The following UTRN variants were observed in gnomAD, a reference collection of about 807,000 sequenced individuals.
The protein encoded by UTRN is dystrophin-related protein 1.
UTRN carries 283 observed loss-of-function variants against 463.9 expected under a neutral mutation model. The observed-to-expected ratio is 0.61, with a 90% CI of 0.55 to 0.67. The LOEUF (loss-of-function observed/expected upper bound fraction) is 0.67, where lower values mean the gene tolerates loss of function less well. UTRN is among the 30% of genes least tolerant of loss of function. The pLI is 0.00. For missense variants in UTRN, 3,922 were observed against 4,084.3 expected (o/e 0.96, Z 1.08); for synonymous variants, 1,442 against 1,431.5 (o/e 1.01, Z -0.17).
At chr6:144,837,295 A>G (rs753694235) in intron 71 of UTRN, 5 of 152,250 alleles carry the variant, frequency 3.3e-5, no homozygotes, top group East Asian at 1.9e-4. Context: ...AGAAGCATCA[A>G]TACAGTTTCT....
intron 74 of UTRN, among the ~76,000 whole-genome samples, chr6:144,847,489 G>A (rs930962308): frequency 6.6e-6 from 1 of 152,096 alleles, no homozygotes; most frequent in African/African-American, 2.4e-5. Context: ...AGGAGGGGGT[G>A]GAGGAACAGT....
intron 2 of UTRN, among the ~76,000 whole-genome samples, chr6:144,337,958 ACT>A (rs772803474): frequency 6.6e-6 from 1 of 152,172 alleles, no homozygotes; most frequent in African/African-American, 2.4e-5. Flanking sequence ...CTTCGATTTA[ACT>A]CTCTCTGACT....
chr6:144,313,968 A>T (rs1425219722), intron 2 of UTRN, among the ~76,000 whole-genome samples: 2 of 152,168 alleles, frequency 1.3e-5, no homozygotes, highest in African/African-American at 4.8e-5. Context: ...TATACATGTT[A>T]TGTCTTTAAT....
chr6:144,342,196 G>A (rs1156578745), intron 2 of UTRN, among the ~76,000 whole-genome samples: 1 of 152,178 alleles, frequency 6.6e-6, no homozygotes, highest in South Asian at 2.1e-4. Flanking sequence ...ACAAATATTG[G>A]TGAGGATGTG....
At chr6:144,751,239 A>T (rs1791359335) in intron 55 of UTRN, among the ~76,000 whole-genome samples, 1 of 152,236 alleles carries the variant, frequency 6.6e-6, no homozygotes, top group African/African-American at 2.4e-5. Flanking sequence ...TCAACATTAG[A>T]TATCAGTAAA....
At chr6:144,420,881 T>G (rs1784776182) in intron 3 of UTRN, among the ~76,000 whole-genome samples, 1 of 152,256 alleles carries the variant, frequency 6.6e-6, no homozygotes, top group Non-Finnish European at 1.5e-5. Context: ...TCATTTACAT[T>G]TTTAATGCGT....
intron 51 of UTRN, among the ~76,000 whole-genome samples, chr6:144,639,820 G>T (rs1485504472): frequency 6.6e-6 from 1 of 152,040 alleles, no homozygotes. Context: ...ATGGAAGAGG[G>T]GCATTAACAA....
intron 51 of UTRN, among the ~76,000 whole-genome samples, chr6:144,651,034 G>C (rs554176002): frequency 6.6e-5 from 10 of 151,730 alleles, no homozygotes; most frequent in African/African-American, 1.9e-4. Context: ...TTTTCTTTGT[G>C]GTAAAAAATG....
intron 51 of UTRN, among the ~76,000 whole-genome samples, chr6:144,603,802 T>C (rs907558962): frequency 1.3e-5 from 2 of 152,192 alleles, no homozygotes; most frequent in African/African-American, 2.4e-5. Flanking sequence ...GTTACAAGAA[T>C]GGGCCCAGCA....
intron 9 of UTRN, among the ~76,000 whole-genome samples, chr6:144,433,296 C>T (rs1297375393): frequency 5.5e-5 from 8 of 146,620 alleles, no homozygotes; most frequent in Non-Finnish European, 1.2e-4. Flanking sequence ...CCGGACGGGG[C>T]GGCTGGCCGG....
chr6:144,801,205 C>T (rs555888271), intron 64 of UTRN, among the ~76,000 whole-genome samples: 2 of 151,876 alleles, frequency 1.3e-5, no homozygotes, highest in African/African-American at 4.8e-5. Flanking sequence ...ATTTGTATTT[C>T]GAATGAGAGA....
At chr6:144,568,011 A>T (rs1203325547) in intron 50 of UTRN, among the ~76,000 whole-genome samples, 1 of 152,194 alleles carries the variant, frequency 6.6e-6, no homozygotes, top group Non-Finnish European at 1.5e-5. Context: ...TTATTGTGTT[A>T]CAAAATGATT....
chr6:144,600,759 A>G (rs1414975135), intron 51 of UTRN, among the ~76,000 whole-genome samples: 1 of 152,230 alleles, frequency 6.6e-6, no homozygotes, highest in African/African-American at 2.4e-5. Context: ...TAAACAACAA[A>G]TTTTCAATGT....
chr6:144,565,939 A>G (rs1271618735), intron 50 of UTRN, among the ~76,000 whole-genome samples: 1 of 152,056 alleles, frequency 6.6e-6, no homozygotes, highest in Non-Finnish European at 1.5e-5. Context: ...GTTAAAATGG[A>G]TTATAGTAAA....
chr6:144,783,895 T>C (rs761233572), intron 61 of UTRN, among the ~76,000 whole-genome samples: 13 of 152,202 alleles, frequency 8.5e-5, no homozygotes, highest in Non-Finnish European at 1.5e-4. Context: ...GCGATATCTC[T>C]GTCTGATATT....
intron 48 of UTRN, among the ~76,000 whole-genome samples, chr6:144,553,101 A>T (rs1308149361): frequency 6.6e-6 from 1 of 152,116 alleles, no homozygotes; most frequent in Admixed American, 6.6e-5. Flanking sequence ...GCAATGGTGC[A>T]ATCTTGACTC....
In UTRN at chr6:144,663,917, T is replaced by C. The variant is rs546106121; in HGVS notation, c.7480-14489T>C. On this transcript the variant is annotated intron_variant, in intron 51 of 74. Coordinates refer to ENST00000367545, the MANE Select transcript of UTRN (RefSeq NM_007124.3). ...ATAGTAAACACATTTCAAAGTCTCC[T>C]CATTTATTCCCTACTTAGCAAATAT... Among the ~76,000 whole-genome samples the C allele has an allele frequency of 9.2e-5, 14 of 152,334 alleles. No homozygotes were observed. The East Asian group carries it at 2.7e-3, about 29-fold the overall frequency.
chr6:144,584,111 C>T (rs1170440595), intron 51 of UTRN, among the ~76,000 whole-genome samples: 1 of 152,146 alleles, frequency 6.6e-6, no homozygotes, highest in East Asian at 1.9e-4. Context: ...CCCCTATATT[C>T]TTAAATCTCC....
chr6:144,850,695 G>A (rs767284614), intron 74 of UTRN, among the ~76,000 whole-genome samples: 1 of 152,034 alleles, frequency 6.6e-6, no homozygotes, highest in Non-Finnish European at 1.5e-5. Flanking sequence ...AGCCTCATTC[G>A]CTCACCATTG....
Sources: allele counts gnomAD v4.1 joint callset (sites outside exome capture counted in the v4.1 genomes callset), GRCh38; gene constraint gnomAD v4.1.1; transcripts MANE v1.5; gene names NCBI Gene and HGNC (gene_info 2026-07-23, HGNC 2026-07-21).